Variants in FHOD3 observed in about 807,000 individuals in gnomAD.
FHOD3 encodes FH1/FH2 domain-containing protein 3.
Under a neutral mutation model 173.0 loss-of-function variants are expected in FHOD3, and 90 were observed. The ratio of observed to expected loss-of-function variants is 0.52; its 90% CI spans 0.44 to 0.62. The LOEUF is 0.62. FHOD3 is among the 20% of genes least tolerant of loss of function. The pLI is 0.00. For missense variants in FHOD3, 1,945 were observed against 2,034.7 expected, an observed-to-expected ratio of 0.96 and a Z score of 0.85; for synonymous variants, 828 against 823.0, an observed-to-expected ratio of 1.01 and a Z score of -0.10.
chr18:36,595,566 G>A (rs17674471), intron 7 of FHOD3, among the ~76,000 whole-genome samples: 4,155 of 152,206 alleles, frequency 0.027, 154 homozygotes, highest in East Asian at 0.17. Context: ...CTCTGCTGTG[G>A]TGGTGTTGCC....
rs1300765688 is a variant in FHOD3 at position 36,333,924 on chromosome 18, G to A, written c.166-21615G>A. ...TTTTTTAACCCCCAGTGCTTTATCT[G>A]TATTCAGCCCTGTATTCTCCATGTG... On this transcript the variant is annotated intron_variant, in intron 1 of 28. Coordinates refer to ENST00000590592, the MANE Select transcript of FHOD3 (RefSeq NM_001281740.3). 3.3e-5 allele frequency among the ~76,000 whole-genome samples: 5 copies of A among 152,248 alleles called. No individual in the cohort carries two copies. In the East Asian group the frequency reaches 9.6e-4, roughly 29 times the overall value.
intron 3 of FHOD3, among the ~76,000 whole-genome samples, chr18:36,448,118 G>A (rs1017092353): frequency 7.2e-5 from 11 of 152,326 alleles, no homozygotes; most frequent in African/African-American, 2.6e-4. Context: ...ATGGTGCCAT[G>A]AAGAATATTT....
intron 13 of FHOD3, among the ~76,000 whole-genome samples, chr18:36,656,392 T>C (rs969237948): frequency 2.6e-5 from 4 of 152,140 alleles, no homozygotes; most frequent in Non-Finnish European, 5.9e-5. Context: ...ACAAAGATGA[T>C]GTGTTCACAG....
intron 19 of FHOD3, among the ~76,000 whole-genome samples, chr18:36,720,412 A>G (rs1600406389): frequency 6.6e-6 from 1 of 151,246 alleles, no homozygotes; most frequent in Admixed American, 6.6e-5. Flanking sequence ...TAATTTTTGT[A>G]TTTTTAGTAG....
intron 14 of FHOD3, among the ~76,000 whole-genome samples, chr18:36,658,583 C>T (rs1436003882): frequency 1.3e-5 from 2 of 152,098 alleles, no homozygotes; most frequent in African/African-American, 4.8e-5. Context: ...GTAGTGGGCC[C>T]ATTAAGGTGC....
rs145464011 is a variant in FHOD3, at chr18:36,646,184, A to G, written c.1197-3132A>G. 6.6e-4 allele frequency among the ~76,000 whole-genome samples: 100 copies of G among 152,348 alleles called. 1 individual carries two copies. The highest frequency in any genetic ancestry group is 2.3e-3 in the African/African-American group (94 of 41,586). On this transcript the variant is annotated intron_variant, in intron 10 of 28. Transcript: ENST00000590592. Reference sequence around the variant, plus strand: ...GTCTAAAAGAAGCTCTAGAAACAGTATAATAAATTTAGAAAAATTGCTGGA... The same window carrying G: ...GTCTAAAAGAAGCTCTAGAAACAGTGTAATAAATTTAGAAAAATTGCTGGA...
chr18:36,601,729 C>T (rs185557495), intron 7 of FHOD3, among the ~76,000 whole-genome samples: 88 of 152,326 alleles, frequency 5.8e-4, no homozygotes, highest in African/African-American at 1.8e-3. Flanking sequence ...AGAGAAAGCA[C>T]GAAAGAGCTT....
At chr18:36,562,430 T>C (rs1365833067) in intron 5 of FHOD3, among the ~76,000 whole-genome samples, 2 of 152,230 alleles carry the variant, frequency 1.3e-5, no homozygotes. Flanking sequence ...AAAAACATTA[T>C]TTACTATGTT....
At chr18:36,757,540 C>T (rs1432869891) in intron 25 of FHOD3, among the ~76,000 whole-genome samples, 5 of 152,102 alleles carry the variant, frequency 3.3e-5, no homozygotes, top group African/African-American at 1.2e-4. Context: ...AATCACGGAC[C>T]CCCTGAACGT....
At position 36,320,671 on chromosome 18, in the gene FHOD3, G is replaced by T. The variant is rs577950102; in HGVS notation, c.165+22671G>T. Among the ~76,000 whole-genome samples the T allele has an allele frequency of 2.6e-5, 4 of 152,228 alleles. No homozygotes were observed. In the East Asian group the frequency reaches 5.8e-4, roughly 22 times the overall value. On this transcript the variant is annotated intron_variant, in intron 1 of 28. Coordinates refer to ENST00000590592, the MANE Select transcript of FHOD3 (RefSeq NM_001281740.3). Reference sequence around the variant, plus strand: ...ATCCTGATACCAAAGCCTGGCAGGGGCTTCACTTTTTAAGACTGGGTTCCT... The same window carrying T: ...ATCCTGATACCAAAGCCTGGCAGGGTCTTCACTTTTTAAGACTGGGTTCCT...
At chr18:36,509,426 CAAAAAAAAAAAAAAAGA>C (rs1440473856) in intron 4 of FHOD3, among the ~76,000 whole-genome samples, 1 of 54,854 alleles carries the variant, frequency 1.8e-5, no homozygotes, top group African/African-American at 7.0e-5. Context: ...GACTCCATCT[CAAAAAAAAAAAAAAAGA>C]AAAAAAAAAG....
chr18:36,687,202 T>C (rs746906766), intron 16 of FHOD3, 24 bp downstream of exon 16: 33 of 1,569,036 alleles, frequency 2.1e-5, no homozygotes, highest in Non-Finnish European at 2.9e-5. Context: ...TTCTTTCCCA[T>C]TGTAACAAAT....
intron 20 of FHOD3, among the ~76,000 whole-genome samples, chr18:36,732,315 C>A (rs1444269886): frequency 6.6e-6 from 1 of 152,110 alleles, no homozygotes; most frequent in Non-Finnish European, 1.5e-5. Flanking sequence ...GTTTAAGCCA[C>A]CCAGTTTGTG....
intron 26 of FHOD3, 144 bp from the exon 27 acceptor site, chr18:36,760,464 A>T: frequency 1.5e-6 from 1 of 682,708 alleles, no homozygotes; most frequent in Non-Finnish European, 2.2e-6. Flanking sequence ...GTCATTAGTT[A>T]ACTTCAGTGA....
At chr18:36,646,653 T>C (rs2035704337) in intron 10 of FHOD3, among the ~76,000 whole-genome samples, 1 of 152,144 alleles carries the variant, frequency 6.6e-6, no homozygotes. Flanking sequence ...AAAAAATGTA[T>C]CTGACCCCTA....
At chr18:36,733,705 C>T (rs900743361) in intron 20 of FHOD3, among the ~76,000 whole-genome samples, 13 of 152,286 alleles carry the variant, frequency 8.5e-5, no homozygotes, top group South Asian at 4.1e-4. Context: ...ACAGCTATGA[C>T]GCTGACGGAT....
intron 3 of FHOD3, among the ~76,000 whole-genome samples, chr18:36,384,319 C>G (rs1238307206): frequency 6.6e-6 from 1 of 151,850 alleles, no homozygotes; most frequent in Non-Finnish European, 1.5e-5. Context: ...GGCGGAGATT[C>G]CAGTGAGCTG....
chr18:36,557,925 C>G (rs867299256), intron 5 of FHOD3, among the ~76,000 whole-genome samples: 4 of 152,336 alleles, frequency 2.6e-5, no homozygotes, highest in Middle Eastern at 3.4e-3. Context: ...AGCATTGAAT[C>G]TAGGGCTAGC....
chr18:36,493,213 CTTTTTTT>C (rs60189688), intron 3 of FHOD3, among the ~76,000 whole-genome samples: 9 of 138,160 alleles, frequency 6.5e-5, no homozygotes, highest in South Asian at 2.3e-4. Flanking sequence ...TTTTCTTTTT[CTTTTTTT>C]TTTTTTTTTT....
Sources: allele counts gnomAD v4.1 joint callset (sites outside exome capture counted in the v4.1 genomes callset), GRCh38; gene constraint gnomAD v4.1.1; transcripts MANE v1.5; gene names NCBI Gene and HGNC (gene_info 2026-07-23, HGNC 2026-07-21).